Variants in PPP3CC observed in about 807,000 individuals in gnomAD.
PPP3CC encodes the protein protein phosphatase 3 catalytic subunit gamma, also known as serine/threonine-protein phosphatase 2B catalytic subunit gamma isoform.
In PPP3CC, 35 loss-of-function variants were observed where a neutral mutation model predicts 60.3. That is an observed-to-expected ratio of 0.58 (90% CI 0.44 to 0.77). The LOEUF is 0.77. PPP3CC is among the 30% of genes least tolerant of loss of function. The pLI, the probability that PPP3CC is intolerant of heterozygous loss-of-function variation, is 0.00. For synonymous variants in PPP3CC, 206 were observed against 224.3 expected (o/e 0.92, Z 0.73); for missense variants, 570 against 628.9 (o/e 0.91, Z 1.00).
At chr8:22,510,954 C>T (rs1839068002) in intron 4 of PPP3CC, 132 bp from the exon 5 acceptor site, 2 of 987,248 alleles carry the variant, frequency 2.0e-6, no homozygotes, top group African/African-American at 3.3e-5. Flanking sequence ...AGTATCTTTA[C>T]AAAGATAATT....
intron 3 of PPP3CC, 133 bp downstream of exon 3, chr8:22,475,757 T>A: frequency 1.1e-6 from 1 of 929,066 alleles, no homozygotes; most frequent in Non-Finnish European, 1.5e-6. Flanking sequence ...AAAATTAAAG[T>A]AGTAGAAATG....
Position 22,497,983 on chromosome 8 carries a change from C to T in PPP3CC, c.373-18C>T. 2.6e-6 allele frequency: 4 copies of T among 1,537,330 alleles called. No homozygotes were observed. The highest frequency in any genetic ancestry group is 3.5e-6 in the Non-Finnish European group (4 of 1,127,372). On this transcript the variant is annotated intron_variant, in intron 3 of 13. Transcript: ENST00000240139. ...TAATGGTCACAAAGAAAATTTTATG[C>T]TTGAATTTGTCTTGTAGTGTGTGCT... is the stretch of plus-strand genomic sequence containing the variant.
intron 1 of PPP3CC, among the ~76,000 whole-genome samples, chr8:22,441,851 C>T (rs966770997): frequency 2.0e-5 from 3 of 152,076 alleles, no homozygotes; most frequent in Admixed American, 6.6e-5. Flanking sequence ...TCTTGACGTC[C>T]GCCCCCCACC....
chr8:22,509,098 A>C (rs1454976856), intron 4 of PPP3CC, among the ~76,000 whole-genome samples: 2 of 152,098 alleles, frequency 1.3e-5, no homozygotes, highest in African/African-American at 4.8e-5. Flanking sequence ...AAATCTTCAC[A>C]CTCAGGGATG....
chr8:22,463,976 T>A (rs1390184081), intron 1 of PPP3CC, among the ~76,000 whole-genome samples: 2 of 152,174 alleles, frequency 1.3e-5, no homozygotes, highest in East Asian at 3.9e-4. Context: ...TTAAGAGAGA[T>A]GGGGTTTCAC....
At chr8:22,532,352 G>C (rs746935447) in intron 11 of PPP3CC, 46 bp downstream of exon 11, 7 of 1,478,564 alleles carry the variant, frequency 4.7e-6, no homozygotes, top group Non-Finnish European at 6.6e-6. Flanking sequence ...CATTTTGAGA[G>C]TAAATTAGAC....
intron 12 of PPP3CC, among the ~76,000 whole-genome samples, chr8:22,538,817 C>G (rs978138500): frequency 6.6e-6 from 1 of 152,182 alleles, no homozygotes; most frequent in African/African-American, 2.4e-5. Flanking sequence ...AAACATTAGC[C>G]TCTGCTATAT....
At chr8:22,508,761 A>G (rs1317082059) in intron 4 of PPP3CC, among the ~76,000 whole-genome samples, 1 of 152,232 alleles carries the variant, frequency 6.6e-6, no homozygotes, top group Non-Finnish European at 1.5e-5. Context: ...GATTTTCAGG[A>G]GAAAAAGTCA....
intron 3 of PPP3CC, among the ~76,000 whole-genome samples, chr8:22,484,008 A>ATT (rs113767441): frequency 6.8e-6 from 1 of 146,064 alleles, no homozygotes; most frequent in African/African-American, 2.5e-5. Flanking sequence ...CACTTGGCTA[A>ATT]TTTTTTTTTT....
chr8:22,466,519 A>G (rs1563695102), intron 1 of PPP3CC, among the ~76,000 whole-genome samples: 1 of 152,194 alleles, frequency 6.6e-6, no homozygotes, highest in Non-Finnish European at 1.5e-5. Flanking sequence ...TCACCATTCT[A>G]ACTGGTGTGA....
At chr8:22,499,387 C>T (rs1418231073) in intron 4 of PPP3CC, among the ~76,000 whole-genome samples, 14 of 147,910 alleles carry the variant, frequency 9.5e-5, no homozygotes, top group African/African-American at 2.8e-4. Context: ...TGCAGTGAGC[C>T]GAGATTGCGC....
At chr8:22,477,508 A>G (rs1030734701) in intron 3 of PPP3CC, among the ~76,000 whole-genome samples, 2 of 151,940 alleles carry the variant, frequency 1.3e-5, no homozygotes, top group South Asian at 4.1e-4. Context: ...GAAAGTATGG[A>G]TGTTAGAAAG....
chr8:22,537,412 T>C (rs1839868295), intron 12 of PPP3CC, among the ~76,000 whole-genome samples: 1 of 152,154 alleles, frequency 6.6e-6, no homozygotes, highest in Non-Finnish European at 1.5e-5. Flanking sequence ...ATAAGAAGTG[T>C]TGATGAGAAT....
chr8:22,505,775 T>C (rs1360744991), intron 4 of PPP3CC, among the ~76,000 whole-genome samples: 4 of 152,186 alleles, frequency 2.6e-5, no homozygotes, highest in African/African-American at 7.2e-5. Context: ...AAGTAGTAAG[T>C]TGTGAAAAAG....
At chr8:22,525,532 TTCTTTCTCTCCCTCTCTCTCTCTC>T (rs1839530620) in intron 8 of PPP3CC, among the ~76,000 whole-genome samples, 1 of 109,092 alleles carries the variant, frequency 9.2e-6, no homozygotes, top group Non-Finnish European at 2.0e-5. Flanking sequence ...CTTTCTTTCT[TTCTTTCTCTCCCTCTCTCTCTCTC>T]TCTTTCTTTC....
intron 1 of PPP3CC, among the ~76,000 whole-genome samples, chr8:22,449,680 A>G (rs1836946143): frequency 6.6e-6 from 1 of 151,982 alleles, no homozygotes; most frequent in African/African-American, 2.4e-5. Flanking sequence ...TACAGAAGTC[A>G]GTATGGAGAA....
intron 4 of PPP3CC, among the ~76,000 whole-genome samples, chr8:22,500,970 A>G (rs534402191): frequency 3.0e-4 from 46 of 152,262 alleles, no homozygotes; most frequent in Admixed American, 8.5e-4. Flanking sequence ...CCTGGTCAAC[A>G]TGTTGAAATC....
intron 1 of PPP3CC, among the ~76,000 whole-genome samples, chr8:22,457,295 G>C (rs2132440790): frequency 6.6e-6 from 1 of 151,310 alleles, no homozygotes; most frequent in East Asian, 1.9e-4. Flanking sequence ...TGGAACTTCT[G>C]AAAGACCCAG....
At chr8:22,530,512 T>A (rs1170801462) in intron 10 of PPP3CC, among the ~76,000 whole-genome samples, 2 of 115,504 alleles carry the variant, frequency 1.7e-5, no homozygotes, top group East Asian at 6.2e-4. Context: ...AACATAAAAA[T>A]AAATAAATAA....
Sources: gnomAD v4.1 joint callset for allele counts (sites outside exome capture counted in the v4.1 genomes callset) on GRCh38, gnomAD v4.1.1 for gene constraint, MANE v1.5 for transcripts, NCBI Gene and HGNC (gene_info 2026-07-23, HGNC 2026-07-21) for gene names.